The following RAD50 variants were observed in gnomAD, a reference collection of about 807,000 sequenced individuals.
RAD50 encodes RAD50 double strand break repair protein.
Under a neutral mutation model 168.8 loss-of-function variants are expected in RAD50, and 132 were observed. The ratio of observed to expected loss-of-function variants is 0.78; its 90% CI spans 0.68 to 0.90. RAD50 has a LOEUF of 0.90. Among genes scored for constraint, RAD50 ranks in the 40% least tolerant of loss-of-function variants. The pLI, the probability that RAD50 is intolerant of heterozygous loss-of-function variation, is 0.00. For synonymous variants in RAD50, 525 were observed against 497.4 expected, an observed-to-expected ratio of 1.06 and a Z score of -0.74; for missense variants, 1,347 against 1,534.4, an observed-to-expected ratio of 0.88 and a Z score of 2.04.
At chr5:132,640,007 C>G (rs1426212051) in intron 23 of RAD50, among the ~76,000 whole-genome samples, 1 of 152,206 alleles carries the variant, frequency 6.6e-6, no homozygotes, top group Non-Finnish European at 1.5e-5. Flanking sequence ...TCTCTCAATT[C>G]TGTGTGTCTT....
rs142063517 is a variant in RAD50, at chr5:132,590,014, C to T, written c.1452+177C>T. On this transcript the variant is annotated intron_variant, in intron 9 of 24. Transcript: ENST00000378823. Reference sequence around the variant, plus strand: ...CTTCTGACTCTTTGGTTCTACAACCCGATAGCCTGAAAATTAGAATCACAT... The same window carrying T: ...CTTCTGACTCTTTGGTTCTACAACCTGATAGCCTGAAAATTAGAATCACAT... Among the ~76,000 whole-genome samples, 124 of 152,148 alleles carry T rather than the reference C, an allele frequency of 8.1e-4. 1 individual carries two copies. The highest frequency in any genetic ancestry group is 2.8e-3 in the African/African-American group (115 of 41,508).
intron 2 of RAD50, among the ~76,000 whole-genome samples, chr5:132,564,199 G>C (rs966880960): frequency 6.6e-6 from 1 of 152,180 alleles, no homozygotes; most frequent in African/African-American, 2.4e-5. Context: ...GAACAGTTTG[G>C]AGGGCTCAAA....
Position 132,561,686 on chromosome 5 carries a change from T to A in RAD50, c.213+2319T>A, listed in dbSNP as rs143864371. The stretch of plus-strand genomic sequence containing the variant: ...AGACATATATGTCTAGCTGTTTGTT[T>A]GGATATTTAATGGGCATCTCAAATT... On this transcript the variant is annotated intron_variant, in intron 2 of 24. Coordinates refer to ENST00000378823, the MANE Select transcript of RAD50 (RefSeq NM_005732.4). Among the ~76,000 whole-genome samples the A allele has an allele frequency of 4.9e-3, 746 of 152,308 alleles. 2 individuals are homozygous for A. The highest frequency in any genetic ancestry group is 0.02 in the Middle Eastern group (6 of 294).
At chr5:132,637,326 C>G in intron 22 of RAD50, 126 bp downstream of exon 22, 1 of 1,462,994 alleles carries the variant, frequency 6.8e-7, no homozygotes. Context: ...TTGAGATTTT[C>G]TAAGAATTCT....
At chr5:132,637,247 G>A (rs745599810) in intron 22 of RAD50, 47 bp downstream of exon 22, 42 of 1,582,554 alleles carry the variant, frequency 2.7e-5, no homozygotes, top group East Asian at 1.9e-4. Context: ...AGCCCTCTCC[G>A]CAGCTCTTCC....
intron 2 of RAD50, among the ~76,000 whole-genome samples, chr5:132,572,291 C>CCGTA (rs1431666939): frequency 6.6e-6 from 1 of 151,896 alleles, no homozygotes; most frequent in African/African-American, 2.4e-5. Flanking sequence ...CACAGAAGTA[C>CCGTA]CCTAGGGATG....
At chr5:132,604,173 T>C in intron 15 of RAD50, 127 bp downstream of exon 15, 1 of 1,177,976 alleles carries the variant, frequency 8.5e-7, no homozygotes, top group South Asian at 1.4e-5. Flanking sequence ...TATTTGCTCT[T>C]TTTTTCTGAA....
At position 132,643,417 on chromosome 5, in the gene RAD50, G is replaced by A. The variant is rs566232091; in HGVS notation, c.*1053G>A. 4.3e-6 allele frequency: 1 copy of A among 233,506 alleles called. No individual in the cohort carries two copies. Among genetic ancestry groups the A allele is most frequent in the East Asian group, 6.0e-5 (1 of 16,574 alleles). 14.5% of individuals were successfully genotyped at this position (233,506 alleles called of 1,614,324 possible). A position where few individuals can be genotyped will look rare whatever the true frequency, so the allele number is the denominator to read the frequency against. On this transcript the variant is annotated 3_prime_UTR_variant, in exon 25 of 25. Transcript: ENST00000378823. ...ACGCTTTTGAATTATGCTTTGTAGAGTTTTGTCATTCAGAGTCAGCCAGGA... is the reference window on the plus strand; with the variant it reads ...ACGCTTTTGAATTATGCTTTGTAGAATTTTGTCATTCAGAGTCAGCCAGGA...
rs1176896843 is a variant in RAD50 at position 132,645,808 on chromosome 5, G to C, written c.*3444G>C. On this transcript the variant is annotated 3_prime_UTR_variant, in exon 25 of 25. Coordinates refer to ENST00000378823, the MANE Select transcript of RAD50 (RefSeq NM_005732.4). The stretch of plus-strand genomic sequence containing the variant: ...TATATAACAACTTGCCAGGGTTACT[G>C]AGTGAAGGCTATTCTAGCACATGTT... The C allele has an allele frequency of 6.6e-6, 1 of 152,194 alleles. No individual in the cohort carries two copies. The highest frequency in any genetic ancestry group is 1.9e-4 in the East Asian group (1 of 5,202). 9.4% of individuals were successfully genotyped at this position (152,194 alleles called of 1,614,324 possible).
intron 13 of RAD50, among the ~76,000 whole-genome samples, chr5:132,601,872 C>T (rs1286206388): frequency 2.0e-5 from 3 of 152,120 alleles, no homozygotes; most frequent in African/African-American, 7.2e-5. Flanking sequence ...CAAACTAACA[C>T]AGGAGCAGAA....
intron 2 of RAD50, among the ~76,000 whole-genome samples, chr5:132,560,968 CT>C (rs35432826): frequency 1.3e-5 from 2 of 152,140 alleles, no homozygotes; most frequent in Non-Finnish European, 2.9e-5. Context: ...TTCAGGTTTT[CT>C]TTTTTTCCTC....
chr5:132,603,227 C>G, intron 13 of RAD50, 73 bp from the exon 14 acceptor site: 1 of 1,378,532 alleles, frequency 7.3e-7, no homozygotes, highest in Admixed American at 2.1e-5. Context: ...GGTATTCTTC[C>G]TAAAAATACA....
chr5:132,568,710 A>C (rs1750251855), intron 2 of RAD50, among the ~76,000 whole-genome samples: 1 of 152,234 alleles, frequency 6.6e-6, no homozygotes, highest in Non-Finnish European at 1.5e-5. Context: ...ATAAAAGTTA[A>C]ACTCCTATAT....
At position 132,607,585 on chromosome 5, in the gene RAD50, T is replaced by C. The variant is rs530170910; in HGVS notation, c.2719-1030T>C. Among the ~76,000 whole-genome samples, 4 of 152,304 alleles carry C rather than the reference T, an allele frequency of 2.6e-5. No homozygotes were observed. In the East Asian group the frequency reaches 7.7e-4, roughly 29 times the overall value. On this transcript the variant is annotated intron_variant, in intron 16 of 24. Transcript: ENST00000378823. ...AATATCAGAGGTTCAGAATATAATA[T>C]AAAATAGTACTTGCATCTGTATAAT...
intron 21 of RAD50, among the ~76,000 whole-genome samples, chr5:132,626,476 TA>T (rs535477797): frequency 1.1e-4 from 17 of 152,288 alleles, no homozygotes; most frequent in African/African-American, 4.1e-4. Flanking sequence ...ATAGAATTTT[TA>T]AAAATCTATA....
chr5:132,615,531 A>G (rs1751160339), intron 19 of RAD50, among the ~76,000 whole-genome samples: 1 of 152,164 alleles, frequency 6.6e-6, no homozygotes, highest in African/African-American at 2.4e-5. Flanking sequence ...CAGTAGTAGT[A>G]TTGATCTCTT....
intron 16 of RAD50, among the ~76,000 whole-genome samples, chr5:132,607,952 A>G (rs1391511770): frequency 6.6e-6 from 1 of 152,222 alleles, no homozygotes; most frequent in Non-Finnish European, 1.5e-5. Flanking sequence ...TCATATAACT[A>G]CGTTGTAGAT....
chr5:132,608,735 CATTT>C lies in RAD50; in HGVS notation c.2829+13_2829+16del. On this transcript the variant is annotated intron_variant, in intron 17 of 24. Coordinates refer to ENST00000378823, the MANE Select transcript of RAD50 (RefSeq NM_005732.4). ...AATAGCACAGGATAAAGTAAGATTT[CATTT>C]ATATATTTACTTATCAAATATCTGT... 2 of 1,566,866 alleles carry C rather than the reference CATTT, an allele frequency of 1.3e-6. No individual in the cohort carries two copies. Among genetic ancestry groups the C allele is most frequent in the Non-Finnish European group, 1.7e-6 (2 of 1,155,962 alleles).
At position 132,577,225 on chromosome 5, in the gene RAD50, A is replaced by G. The variant is rs150345791; in HGVS notation, c.365+1297A>G. Among the ~76,000 whole-genome samples, 556 of 152,276 alleles carry G rather than the reference A, an allele frequency of 3.7e-3. 4 individuals are homozygous for G. Among genetic ancestry groups the G allele is most frequent in the African/African-American group, 0.011 (468 of 41,562 alleles). ...TCTTACTCTGTCTTCAAAGCAAGCA[A>G]TAGTGGGCAGAGTTCTTCTCATATC... On this transcript the variant is annotated intron_variant, in intron 3 of 24. Transcript: ENST00000378823.
Sources: allele counts gnomAD v4.1 joint callset (sites outside exome capture counted in the v4.1 genomes callset), GRCh38; gene constraint gnomAD v4.1.1; transcripts MANE v1.5; gene names NCBI Gene and HGNC (gene_info 2026-07-23, HGNC 2026-07-21).